Variants in RGS7 observed in about 807,000 individuals in gnomAD.
The protein encoded by RGS7 is regulator of G-protein signaling 7.
Under a neutral mutation model 81.1 loss-of-function variants are expected in RGS7, and 27 were observed. That is an observed-to-expected ratio of 0.33 (90% confidence interval 0.25 to 0.46). The LOEUF is 0.46. Ranked by LOEUF, RGS7 falls within the 20% of genes least tolerant of loss-of-function variation. RGS7 has a pLI of 1.00. For synonymous variants in RGS7, 208 were observed against 207.7 expected (o/e 1.00, Z -0.01); for missense variants, 396 against 607.4 (o/e 0.65, Z 3.66).
chr1:241,252,764 T>C (rs556477938), intron 2 of RGS7, among the ~76,000 whole-genome samples: 2 of 152,322 alleles, frequency 1.3e-5, no homozygotes, highest in South Asian at 2.1e-4. Context: ...GTAGGTATTA[T>C]GGCATTTTCA....
intron 4 of RGS7, among the ~76,000 whole-genome samples, chr1:240,971,954 G>A (rs930489236): frequency 6.6e-6 from 1 of 152,168 alleles, no homozygotes; most frequent in Non-Finnish European, 1.5e-5. Context: ...TCCCTCTACT[G>A]AAGCAAGATT....
chr1:240,864,947 C>A (rs1413678420), intron 9 of RGS7, among the ~76,000 whole-genome samples: 1 of 151,500 alleles, frequency 6.6e-6, no homozygotes, highest in Non-Finnish European at 1.5e-5. Flanking sequence ...TATCTGTTTC[C>A]ATATTCCATT....
chr1:240,948,776 T>A (rs562828473), intron 4 of RGS7, among the ~76,000 whole-genome samples: 1 of 151,506 alleles, frequency 6.6e-6, no homozygotes, highest in Admixed American at 6.6e-5. Flanking sequence ...CGTAATATTG[T>A]TCCATCTCCA....
intron 9 of RGS7, among the ~76,000 whole-genome samples, chr1:240,836,267 A>C (rs1694723905): frequency 6.6e-6 from 1 of 152,160 alleles, no homozygotes; most frequent in Admixed American, 6.5e-5. Flanking sequence ...ATTGATTAAA[A>C]AGCAACCAAA....
intron 9 of RGS7, among the ~76,000 whole-genome samples, chr1:240,845,126 C>T (rs1658834609): frequency 1.3e-5 from 2 of 152,130 alleles, no homozygotes; most frequent in East Asian, 3.9e-4. Context: ...AAAAAGCAAC[C>T]TCCCTGAAAT....
At chr1:241,349,411 C>T (rs10926464) in intron 2 of RGS7, among the ~76,000 whole-genome samples, 124,101 of 152,170 alleles carry the variant, frequency 0.82, 51,956 homozygotes, top group East Asian at 0.94. Flanking sequence ...TTTTTCCAGA[C>T]GACAAAACAA....
intron 9 of RGS7, among the ~76,000 whole-genome samples, chr1:240,847,219 A>G (rs1659257204): frequency 6.6e-6 from 1 of 152,244 alleles, no homozygotes; most frequent in Non-Finnish European, 1.5e-5. Context: ...CATGATTGCT[A>G]AAATAACTTC....
intron 2 of RGS7, among the ~76,000 whole-genome samples, chr1:241,224,805 A>G (rs947309109): frequency 6.6e-6 from 1 of 152,068 alleles, no homozygotes; most frequent in Non-Finnish European, 1.5e-5. Context: ...TCTCCATGGC[A>G]AGCTTTTCTG....
At chr1:241,340,506 C>G (rs924690077) in intron 2 of RGS7, among the ~76,000 whole-genome samples, 1 of 152,114 alleles carries the variant, frequency 6.6e-6, no homozygotes, top group African/African-American at 2.4e-5. Context: ...ATATGGGTAG[C>G]TTGCCCCATC....
At chr1:241,053,935 C>T (rs1361504930) in intron 3 of RGS7, among the ~76,000 whole-genome samples, 1 of 152,188 alleles carries the variant, frequency 6.6e-6, no homozygotes, top group Non-Finnish European at 1.5e-5. Context: ...CCATGTGGAA[C>T]TAGAGTCCCT....
chr1:241,226,039 C>A (rs1026018080), intron 2 of RGS7, among the ~76,000 whole-genome samples: 7 of 152,148 alleles, frequency 4.6e-5, no homozygotes, highest in African/African-American at 1.7e-4. Flanking sequence ...GAGGGCACTG[C>A]TGCATCTGCA....
intron 2 of RGS7, among the ~76,000 whole-genome samples, chr1:241,166,469 G>C (rs1313769944): frequency 6.6e-6 from 1 of 152,212 alleles, no homozygotes; most frequent in Non-Finnish European, 1.5e-5. Flanking sequence ...GCTGAGAATG[G>C]GGAAAAGTTT....
At chr1:241,089,634 C>T (rs550319129) in intron 3 of RGS7, among the ~76,000 whole-genome samples, 6 of 152,248 alleles carry the variant, frequency 3.9e-5, no homozygotes, top group Non-Finnish European at 7.4e-5. Flanking sequence ...AATAACTAAA[C>T]TTCCACCCTA....
intron 6 of RGS7, among the ~76,000 whole-genome samples, chr1:240,922,092 A>G (rs73116100): frequency 0.029 from 4,345 of 152,160 alleles, 215 homozygotes; most frequent in African/African-American, 0.099. Context: ...GAAGAGACTT[A>G]GACAAGGTAG....
At chr1:241,072,028 A>G (rs2062501755) in intron 3 of RGS7, among the ~76,000 whole-genome samples, 1 of 152,220 alleles carries the variant, frequency 6.6e-6, no homozygotes, top group Admixed American at 6.5e-5. Flanking sequence ...TTTCAGAAAC[A>G]GAGAGAGCTG....
At chr1:241,323,760 C>T (rs144282705) in intron 2 of RGS7, among the ~76,000 whole-genome samples, 166 of 152,292 alleles carry the variant, frequency 1.1e-3, no homozygotes, top group African/African-American at 3.9e-3. Flanking sequence ...AACCTGCAGA[C>T]TCACATCTAT....
chr1:241,217,617 A>G (rs1158659000), intron 2 of RGS7, among the ~76,000 whole-genome samples: 1 of 152,216 alleles, frequency 6.6e-6, no homozygotes, highest in Non-Finnish European at 1.5e-5. Flanking sequence ...TTCTAAATGC[A>G]CGTTTTAGAC....
chr1:241,218,120 A>G (rs80148213), intron 2 of RGS7, among the ~76,000 whole-genome samples: 2,325 of 152,302 alleles, frequency 0.015, 51 homozygotes, highest in African/African-American at 0.053. Context: ...AAATTCTGAC[A>G]GATTCTAAGG....
At chr1:241,201,481 T>C (rs2147855951) in intron 2 of RGS7, among the ~76,000 whole-genome samples, 1 of 152,280 alleles carries the variant, frequency 6.6e-6, no homozygotes, top group South Asian at 2.1e-4. Context: ...TGTGCACTGT[T>C]CCTGCATTTC....
Sources: allele counts gnomAD v4.1 joint callset (sites outside exome capture counted in the v4.1 genomes callset), GRCh38; gene constraint gnomAD v4.1.1; transcripts MANE v1.5; gene names NCBI Gene and HGNC (gene_info 2026-07-23, HGNC 2026-07-21).